Variants in TXLNB observed in about 807,000 individuals in gnomAD.
TXLNB encodes beta-taxilin.
TXLNB carries 37 observed loss-of-function variants against 57.4 expected under a neutral mutation model. The observed-to-expected ratio is 0.64, with a 90% CI of 0.50 to 0.85. The LOEUF (loss-of-function observed/expected upper bound fraction) is 0.85, where lower values mean the gene tolerates loss of function less well. Among genes scored for constraint, TXLNB ranks in the 40% least tolerant of loss-of-function variants. TXLNB has a pLI of 0.00. For missense variants in TXLNB, 848 were observed against 825.6 expected (o/e 1.03, Z -0.33); for synonymous variants, 302 against 309.6 (o/e 0.98, Z 0.26).
the TXLNB span, among the ~76,000 whole-genome samples, chr6:139,304,257 T>C: frequency 6.6e-6 from 1 of 152,228 alleles, no homozygotes; most frequent in Admixed American, 6.5e-5. Flanking sequence ...TGAATAATGC[T>C]ATAAATATAT....
At chr6:139,181,769 T>G in the TXLNB span, among the ~76,000 whole-genome samples, 3 of 152,214 alleles carry the variant, frequency 2.0e-5, no homozygotes, top group Non-Finnish European at 4.4e-5. Context: ...TGTTAACATG[T>G]AATAGCCAGT....
At chr6:139,301,461 A>G in the TXLNB span, among the ~76,000 whole-genome samples, 2 of 152,194 alleles carry the variant, frequency 1.3e-5, no homozygotes, top group Non-Finnish European at 2.9e-5. Context: ...CTGAGTTCCA[A>G]AGCTACCTTC....
At chr6:139,255,192 C>T (rs1436946229) in intron 7 of TXLNB, among the ~76,000 whole-genome samples, 1 of 152,038 alleles carries the variant, frequency 6.6e-6, no homozygotes, top group Non-Finnish European at 1.5e-5. Flanking sequence ...ATAGATGGTG[C>T]ATCTGAGCAG....
At chr6:139,280,325 C>T (rs1324483178) in intron 2 of TXLNB, among the ~76,000 whole-genome samples, 1 of 151,294 alleles carries the variant, frequency 6.6e-6, no homozygotes, top group Non-Finnish European at 1.5e-5. Flanking sequence ...ACTAAGCCAG[C>T]TGCAGAAATG....
At chr6:139,223,583 C>T in the TXLNB span, among the ~76,000 whole-genome samples, 5 of 151,574 alleles carry the variant, frequency 3.3e-5, no homozygotes, top group Admixed American at 2.0e-4. Flanking sequence ...TACAATGAAC[C>T]CAAACAAATT....
chr6:139,159,382 T>A, the TXLNB span: 10 of 152,178 alleles, frequency 6.6e-5, no homozygotes, highest in Admixed American at 4.6e-4. Flanking sequence ...AACCTTACAT[T>A]TGTAATAACC....
the TXLNB span, among the ~76,000 whole-genome samples, chr6:139,227,485 T>C: frequency 1.3e-5 from 2 of 152,216 alleles, no homozygotes; most frequent in Non-Finnish European, 2.9e-5. Flanking sequence ...TTGAAATTAT[T>C]GTTACAATCT....
At chr6:139,238,200 T>C (rs1177406547), downstream of TXLNB, among the ~76,000 whole-genome samples, 5 of 151,984 alleles carry the variant, frequency 3.3e-5, no homozygotes, top group African/African-American at 1.2e-4. Flanking sequence ...TTGAGACCAG[T>C]CTGGCCAACA....
chr6:139,193,820 A>ATTTT, the TXLNB span, among the ~76,000 whole-genome samples: 8 of 98,864 alleles, frequency 8.1e-5, no homozygotes, highest in African/African-American at 1.3e-4. Flanking sequence ...TGCCTGGCTA[A>ATTTT]TTTATATATA....
chr6:139,262,918 A>G, intron 4 of TXLNB, 145 bp from the exon 5 acceptor site: 1 of 740,722 alleles, frequency 1.4e-6, no homozygotes, highest in South Asian at 2.0e-5. Context: ...CAGCCCCAAA[A>G]TAAATGTATG....
upstream of TXLNB, among the ~76,000 whole-genome samples, chr6:139,295,048 G>C (rs552732299): frequency 9.9e-5 from 15 of 152,152 alleles, no homozygotes; most frequent in South Asian, 3.1e-3. Flanking sequence ...TGTTATAGCA[G>C]CCTGAATAGA....
chr6:139,289,320 C>T (rs1237527143), intron 1 of TXLNB, among the ~76,000 whole-genome samples: 1 of 143,100 alleles, frequency 7.0e-6, no homozygotes, highest in Non-Finnish European at 1.6e-5. Context: ...ATGCAGCCCC[C>T]AGTCACGTAC....
chr6:139,192,975 C>CA, the TXLNB span, among the ~76,000 whole-genome samples: 710 of 143,372 alleles, frequency 5.0e-3, 15 homozygotes, highest in Admixed American at 0.037. Flanking sequence ...AAACAAAAAA[C>CA]AAAAAAAAAA....
At chr6:139,160,651 G>A in the TXLNB span, among the ~76,000 whole-genome samples, 1 of 152,288 alleles carries the variant, frequency 6.6e-6, no homozygotes, top group East Asian at 1.9e-4. Flanking sequence ...CTGGCCGCAA[G>A]TGATTCTCTG....
chr6:139,240,501 G>A lies in TXLNB; in HGVS notation c.*2025C>T, dbSNP rs1241185423. On this transcript the variant is annotated 3_prime_UTR_variant, in exon 10 of 10. Coordinates refer to ENST00000358430, the MANE Select transcript of TXLNB (RefSeq NM_153235.4). ...TTCTCTTGCTAAATATTCAGACTGA[G>A]ACTTTACTATGACTAATCTTACTCC... 2 of 152,616 alleles carry A rather than the reference G, an allele frequency of 1.3e-5. No individual in the cohort carries two copies. Among genetic ancestry groups the A allele is most frequent in the East Asian group, 3.9e-4 (2 of 5,194 alleles). The allele number at this position is 152,616 out of a possible 1,614,324, so 9.5% of individuals were successfully genotyped here.
chr6:139,205,686 T>TA, the TXLNB span, among the ~76,000 whole-genome samples: 1 of 151,794 alleles, frequency 6.6e-6, no homozygotes, highest in African/African-American at 2.4e-5. Flanking sequence ...TGGGATTAAG[T>TA]AAAATGTCCA....
the TXLNB span, among the ~76,000 whole-genome samples, chr6:139,311,724 G>A: frequency 2.0e-5 from 3 of 152,182 alleles, no homozygotes; most frequent in Non-Finnish European, 2.9e-5. Context: ...ACAGGACCGC[G>A]TCGTCTGCAG....
chr6:139,166,615 AAAG>A, the TXLNB span: 22 of 1,614,246 alleles, frequency 1.4e-5, no homozygotes, highest in South Asian at 8.8e-5. Context: ...AGGACGAGAA[AAAG>A]AAGAAGTCTG....
the TXLNB span, among the ~76,000 whole-genome samples, chr6:139,306,548 A>G: frequency 6.6e-6 from 1 of 152,238 alleles, no homozygotes; most frequent in East Asian, 1.9e-4. Flanking sequence ...GGAGTCACAG[A>G]TAAGATATTT....
Sources: gnomAD v4.1 joint callset for allele counts (sites outside exome capture counted in the v4.1 genomes callset) on GRCh38, gnomAD v4.1.1 for gene constraint, MANE v1.5 for transcripts, NCBI Gene and HGNC (gene_info 2026-07-23, HGNC 2026-07-21) for gene names.